CHN2: variants seen among roughly 807,000 people sequenced by gnomAD.
CHN2 encodes the protein chimerin 2, also known as beta-chimaerin.
CHN2 carries 35 observed loss-of-function variants against 56.3 expected under a neutral mutation model. That is an observed-to-expected ratio of 0.62 (90% CI 0.47 to 0.82). The LOEUF (loss-of-function observed/expected upper bound fraction) is 0.82, where lower values mean the gene tolerates loss of function less well. Ranked by LOEUF, CHN2 falls within the 40% of genes least tolerant of loss-of-function variation. The pLI is 0.00. For missense variants in CHN2, 491 were observed against 580.5 expected (o/e 0.85, Z 1.58); for synonymous variants, 210 against 212.8 (o/e 0.99, Z 0.12).
chr7:29,442,951 T>TTTTTTTTTTTTTTTTTTA, intron 6 of CHN2, among the ~76,000 whole-genome samples: 1 of 138,744 alleles, frequency 7.2e-6, no homozygotes, highest in Non-Finnish European at 1.5e-5. Context: ...TTTTTTTTTT[T>TTTTTTTTTTTTTTTTTTA]GAGACGGAGT....
intron 1 of CHN2, among the ~76,000 whole-genome samples, chr7:29,338,030 T>C (rs1279814543): frequency 2.6e-5 from 4 of 152,218 alleles, no homozygotes; most frequent in African/African-American, 9.7e-5. Flanking sequence ...CCATCTATTT[T>C]TACTGGTCTT....
At chr7:29,491,920 ATTG>A (rs1348133035) in intron 7 of CHN2, among the ~76,000 whole-genome samples, 1 of 152,030 alleles carries the variant, frequency 6.6e-6, no homozygotes, top group Non-Finnish European at 1.5e-5. Context: ...TCATCTTGTT[ATTG>A]TTGTATGCAA....
At chr7:29,218,213 G>A (rs937408351) in intron 1 of CHN2, among the ~76,000 whole-genome samples, 6 of 123,848 alleles carry the variant, frequency 4.8e-5, no homozygotes, top group South Asian at 3.0e-4. Context: ...CCCCTCACTC[G>A]CCAGCATGAC....
chr7:29,365,342 A>G (rs1459978428), intron 2 of CHN2, among the ~76,000 whole-genome samples: 1 of 152,270 alleles, frequency 6.6e-6, no homozygotes, highest in Non-Finnish European at 1.5e-5. Context: ...AAAAACAAGC[A>G]TGATCCCTTC....
chr7:29,359,383 T>G (rs1798557831), intron 2 of CHN2, among the ~76,000 whole-genome samples: 2 of 152,180 alleles, frequency 1.3e-5, no homozygotes, highest in African/African-American at 4.8e-5. Flanking sequence ...GTTCATTAAT[T>G]TAGTCACTCC....
chr7:29,381,694 G>A (rs1345856900), intron 3 of CHN2, among the ~76,000 whole-genome samples: 1 of 151,438 alleles, frequency 6.6e-6, no homozygotes, highest in Non-Finnish European at 1.5e-5. Context: ...AATCACCTGT[G>A]GAGCCTGGCA....
chr7:29,208,537 G>A (rs1393467341), intron 1 of CHN2, among the ~76,000 whole-genome samples: 1 of 152,130 alleles, frequency 6.6e-6, no homozygotes, highest in Admixed American at 6.5e-5. Flanking sequence ...GGATGATATT[G>A]TGCCTTGCGC....
At chr7:29,393,493 G>A (rs2128075226) in intron 3 of CHN2, among the ~76,000 whole-genome samples, 186 bp from the exon 4 acceptor site, 1 of 152,128 alleles carries the variant, frequency 6.6e-6, no homozygotes, top group African/African-American at 2.4e-5. Context: ...ATTGATTCTA[G>A]GTCATTCCTA....
intron 1 of CHN2, among the ~76,000 whole-genome samples, chr7:29,283,922 CTTTTTTTTTTTTTTTTT>C (rs70980520): frequency 2.9e-5 from 2 of 69,956 alleles, no homozygotes; most frequent in African/African-American, 1.3e-4. Context: ...CAGCCAAGCT[CTTTTTTTTTTTTTTTTT>C]TTTTTTTTTT....
chr7:29,193,762 C>G (rs1251999997), upstream of CHN2: 1 of 152,186 alleles, frequency 6.6e-6, no homozygotes, highest in African/African-American at 2.4e-5. Context: ...GACCTGCTGC[C>G]AAGTCTTAAG....
chr7:29,284,851 G>GA (rs1562889732), intron 1 of CHN2, among the ~76,000 whole-genome samples: 1 of 152,224 alleles, frequency 6.6e-6, no homozygotes, highest in Non-Finnish European at 1.5e-5. Context: ...ACAAGGATCT[G>GA]AACCTCGTGA....
intron 1 of CHN2, chr7:29,199,662 T>A (rs1784003346): frequency 6.6e-6 from 1 of 152,200 alleles, no homozygotes; most frequent in Non-Finnish European, 1.5e-5. Flanking sequence ...CATACCTCAT[T>A]TTAACTTATT....
intron 6 of CHN2, among the ~76,000 whole-genome samples, chr7:29,415,400 G>C (rs140213880): frequency 1.5e-4 from 23 of 152,318 alleles, no homozygotes; most frequent in African/African-American, 5.5e-4. Context: ...TCCCACCTTG[G>C]TTTTCTGTGC....
intron 3 of CHN2, among the ~76,000 whole-genome samples, chr7:29,391,609 A>G (rs1801378571): frequency 6.6e-6 from 1 of 152,146 alleles, no homozygotes; most frequent in African/African-American, 2.4e-5. Flanking sequence ...CAATTGGATC[A>G]AACTCTCTTC....
chr7:29,285,624 CAT>C (rs1307265326), intron 1 of CHN2, among the ~76,000 whole-genome samples: 1 of 152,230 alleles, frequency 6.6e-6, no homozygotes, highest in Non-Finnish European at 1.5e-5. Flanking sequence ...TCCCTTTTCA[CAT>C]ATGTGGTTGC....
chr7:29,444,076 A>G (rs1783862646), intron 6 of CHN2, among the ~76,000 whole-genome samples: 1 of 152,220 alleles, frequency 6.6e-6, no homozygotes. Context: ...GAAAGAAATT[A>G]CCATTATAAA....
intron 6 of CHN2, among the ~76,000 whole-genome samples, chr7:29,434,409 GGTAA>G (rs1300718067): frequency 6.6e-6 from 1 of 151,522 alleles, no homozygotes; most frequent in African/African-American, 2.4e-5. Context: ...TTCTGGAGGT[GGTAA>G]GTCAGAAGTC....
rs974741437 is a variant in CHN2 at position 29,513,577 on chromosome 7, G to C, written c.*842G>C. 3 of 151,222 alleles carry C rather than the reference G, an allele frequency of 2.0e-5. No homozygotes were observed. Among genetic ancestry groups the C allele is most frequent in the Non-Finnish European group, 2.9e-5 (2 of 67,938 alleles). 9.4% of individuals were successfully genotyped at this position (151,222 alleles called of 1,614,324 possible). ...GGTCATTTTACCTGAAATTATTTGA[G>C]AACACTGGATGTATCTGGTCTGTGT... On this transcript the variant is annotated 3_prime_UTR_variant, in exon 13 of 13. Coordinates refer to ENST00000222792, the MANE Select transcript of CHN2 (RefSeq NM_004067.4).
chr7:29,418,729 CGTG>C (rs1004731627), intron 6 of CHN2, among the ~76,000 whole-genome samples: 3 of 152,144 alleles, frequency 2.0e-5, no homozygotes, highest in Admixed American at 2.0e-4. Flanking sequence ...GACCAGGACT[CGTG>C]GTCTCCTCCC....
Sources: allele counts gnomAD v4.1 joint callset (sites outside exome capture counted in the v4.1 genomes callset), GRCh38; gene constraint gnomAD v4.1.1; transcripts MANE v1.5; gene names NCBI Gene and HGNC (gene_info 2026-07-23, HGNC 2026-07-21).